The following RICTOR variants were observed in gnomAD, a reference collection of about 807,000 sequenced individuals.
RICTOR encodes rapamycin-insensitive companion of mTOR.
Under a neutral mutation model 214.9 loss-of-function variants are expected in RICTOR, and 49 were observed. The observed-to-expected ratio is 0.23, with a 90% confidence interval of 0.18 to 0.29. The LOEUF is 0.29. Among genes scored for constraint, RICTOR ranks in the 10% least tolerant of loss-of-function variants. The probability of loss-of-function intolerance (pLI) is 1.00; values close to 1 mark genes in which losing one functional copy is unlikely to be tolerated. For missense variants in RICTOR, 1,625 were observed against 2,047.0 expected, an observed-to-expected ratio of 0.79 and a Z score of 3.98; for synonymous variants, 717 against 711.3, an observed-to-expected ratio of 1.01 and a Z score of -0.13.
At chr5:39,057,679 T>C (rs1196797146) in intron 2 of RICTOR, among the ~76,000 whole-genome samples, 1 of 152,056 alleles carries the variant, frequency 6.6e-6, no homozygotes, top group East Asian at 1.9e-4. Flanking sequence ...ATTCTTTTGG[T>C]AGCTAATAAT....
rs1750339542 is a variant in RICTOR, at chr5:38,967,555, A to G, written c.1061-128T>C. On this transcript the variant is annotated intron_variant, in intron 12 of 37. Coordinates refer to ENST00000357387, the MANE Select transcript of RICTOR (RefSeq NM_152756.5). ...GTGCTGGTTAAATACCATACATTCA[A>G]AAAGATACAGACAAAAATTAGTTAT... 1.2e-5 allele frequency: 8 copies of G among 663,348 alleles called. No homozygotes were observed. In the East Asian group the frequency reaches 2.2e-4, roughly 18 times the overall value. 41.1% of individuals were successfully genotyped at this position (663,348 alleles called of 1,614,324 possible).
intron 2 of RICTOR, among the ~76,000 whole-genome samples, chr5:39,067,657 T>C (rs1404013286): frequency 6.6e-6 from 1 of 152,188 alleles, no homozygotes; most frequent in Non-Finnish European, 1.5e-5. Flanking sequence ...AGACTAGAAA[T>C]TCAGGGCAAC....
intron 7 of RICTOR, among the ~76,000 whole-genome samples, chr5:38,983,464 T>C (rs1751893564): frequency 6.6e-6 from 1 of 152,212 alleles, no homozygotes; most frequent in Non-Finnish European, 1.5e-5. Flanking sequence ...TTTTGGCTAA[T>C]AACCTGGCTA....
rs760790502 is a variant in RICTOR at position 38,950,494 on chromosome 5, CCCT to C, written c.3351_3353del (p.Gly1118del). 8 of 1,613,384 alleles carry C rather than the reference CCCT, an allele frequency of 5.0e-6. No individual in the cohort carries two copies. Among genetic ancestry groups the C allele is most frequent in the Non-Finnish European group, 6.8e-6 (8 of 1,179,608 alleles). On this transcript the variant is annotated inframe_deletion, in exon 31 of 38. Coordinates refer to ENST00000357387, the MANE Select transcript of RICTOR (RefSeq NM_152756.5). The stretch of plus-strand genomic sequence containing the variant: ...TTGTCTTACTTTCAGATGATAATTT[CCCT>C]CCTTTTGGATCACTGCTACTACGAT...
At chr5:39,038,452 G>A (rs972625146) in intron 2 of RICTOR, among the ~76,000 whole-genome samples, 7 of 152,114 alleles carry the variant, frequency 4.6e-5, no homozygotes, top group Admixed American at 4.6e-4. Context: ...TCAACATAGT[G>A]TTGGAAGTTC....
chr5:38,979,261 C>G (rs953348566), intron 8 of RICTOR, among the ~76,000 whole-genome samples: 1 of 152,100 alleles, frequency 6.6e-6, no homozygotes, highest in Non-Finnish European at 1.5e-5. Flanking sequence ...GCAATCCTCC[C>G]GCCTTAGCCT....
intron 3 of RICTOR, among the ~76,000 whole-genome samples, chr5:39,010,889 A>T (rs1754455168): frequency 6.6e-6 from 1 of 152,206 alleles, no homozygotes; most frequent in African/African-American, 2.4e-5. Context: ...AGTGAAGCAG[A>T]GCATAAAAGT....
Position 38,951,725 on chromosome 5 carries a change from T to C in RICTOR, c.3127+471A>G, listed in dbSNP as rs969928477. The stretch of plus-strand genomic sequence containing the variant: ...ACTTAAAACCACAAATCATTTTATA[T>C]ATAACTATTTTTGTTACTCTATTAA... On this transcript the variant is annotated intron_variant, in intron 30 of 37. Transcript: ENST00000357387. 2.6e-5 allele frequency among the ~76,000 whole-genome samples: 4 copies of C among 152,098 alleles called. No homozygotes were observed. In the East Asian group the frequency reaches 7.7e-4, roughly 29 times the overall value.
intron 5 of RICTOR, among the ~76,000 whole-genome samples, chr5:39,002,249 G>A (rs764288658): frequency 4.6e-5 from 7 of 150,544 alleles, no homozygotes; most frequent in African/African-American, 1.5e-4. Context: ...TACTGTATAC[G>A]TCCAACACAC....
intron 8 of RICTOR, among the ~76,000 whole-genome samples, chr5:38,979,813 T>C (rs146494068): frequency 2.0e-5 from 3 of 152,338 alleles, no homozygotes; most frequent in Non-Finnish European, 4.4e-5. Flanking sequence ...CTTTATCAGT[T>C]TTAGAAACAA....
At chr5:38,973,758 T>C (rs1015548980) in intron 10 of RICTOR, among the ~76,000 whole-genome samples, 20 of 152,168 alleles carry the variant, frequency 1.3e-4, no homozygotes, top group African/African-American at 4.6e-4. Context: ...AGATAAGATA[T>C]AGTCTCAAAA....
In RICTOR at chr5:38,942,502, G is replaced by A. The variant is rs560992524; in HGVS notation, c.5053-124C>T. 655 of 491,722 alleles carry A rather than the reference G, an allele frequency of 1.3e-3. 3 individuals are homozygous for A. Among genetic ancestry groups the A allele is most frequent in the African/African-American group, 0.012 (595 of 50,398 alleles). 30.5% of individuals were successfully genotyped at this position (491,722 alleles called of 1,614,324 possible). ...TCTTGCTCAGTCTTCCCAGGATGCA[G>A]CACAATGTTGCCATCTTTGTTCATT... On this transcript the variant is annotated intron_variant, in intron 37 of 37. Coordinates refer to ENST00000357387, the MANE Select transcript of RICTOR (RefSeq NM_152756.5).
chr5:39,061,545 C>T (rs1020146983), intron 2 of RICTOR, among the ~76,000 whole-genome samples: 9 of 151,746 alleles, frequency 5.9e-5, no homozygotes, highest in Non-Finnish European at 1.2e-4. Context: ...TTCCGAAATT[C>T]ATACATATTT....
rs543886689 is a variant in RICTOR, at chr5:38,982,536, G to T, written c.584-500C>A. The stretch of plus-strand genomic sequence containing the variant: ...ACATATGTGTTTTAAAAGAGTTCAT[G>T]AATTAGTTACACTTCGGTTTTCAAT... On this transcript the variant is annotated intron_variant, in intron 7 of 37. Transcript: ENST00000357387. 3.9e-4 allele frequency among the ~76,000 whole-genome samples: 60 copies of T among 152,220 alleles called. 1 individual carries two copies. The highest frequency in any genetic ancestry group is 1.4e-3 in the African/African-American group (59 of 41,550).
At chr5:39,034,939 T>A (rs998677443) in intron 2 of RICTOR, among the ~76,000 whole-genome samples, 1 of 152,172 alleles carries the variant, frequency 6.6e-6, no homozygotes, top group African/African-American at 2.4e-5. Flanking sequence ...GACTTAAATG[T>A]CCCTATCTGA....
intron 5 of RICTOR, among the ~76,000 whole-genome samples, chr5:39,001,042 G>A (rs917937919): frequency 6.6e-6 from 1 of 151,980 alleles, no homozygotes; most frequent in African/African-American, 2.4e-5. Context: ...AATTAATCTA[G>A]AGCATCAATG....
chr5:39,054,339 C>T (rs893105931), intron 2 of RICTOR, among the ~76,000 whole-genome samples: 7 of 151,644 alleles, frequency 4.6e-5, no homozygotes, highest in Non-Finnish European at 1.0e-4. Context: ...ATAGGTGGGA[C>T]GACAGTGGCA....
chr5:38,974,553 G>A (rs192189745), intron 10 of RICTOR, among the ~76,000 whole-genome samples: 33 of 152,268 alleles, frequency 2.2e-4, no homozygotes, highest in African/African-American at 7.5e-4. Flanking sequence ...CAAGGAAGAT[G>A]AGGAGTGGTA....
At chr5:38,953,265 A>G (rs1010398451) in intron 28 of RICTOR, among the ~76,000 whole-genome samples, 174 bp from the exon 29 acceptor site, 13 of 151,976 alleles carry the variant, frequency 8.6e-5, no homozygotes, top group Admixed American at 3.9e-4. Context: ...AACAAAACAA[A>G]AGTCATGAAA....
Sources: gnomAD v4.1 joint callset for allele counts (sites outside exome capture counted in the v4.1 genomes callset) on GRCh38, gnomAD v4.1.1 for gene constraint, MANE v1.5 for transcripts, NCBI Gene and HGNC (gene_info 2026-07-23, HGNC 2026-07-21) for gene names.